RSRC1: variants seen among roughly 807,000 people sequenced by gnomAD.
RSRC1 encodes the protein serine/Arginine-related protein 53.
Under a neutral mutation model 49.1 loss-of-function variants are expected in RSRC1, and 39 were observed. The ratio of observed to expected loss-of-function variants is 0.79; its 90% CI spans 0.61 to 1.04. The LOEUF is 1.04. RSRC1 is among the 50% of genes least tolerant of loss of function. RSRC1 has a pLI of 0.00. For missense variants in RSRC1, 388 were observed against 402.4 expected, an observed-to-expected ratio of 0.96 and a Z score of 0.31; for synonymous variants, 143 against 130.8, an observed-to-expected ratio of 1.09 and a Z score of -0.63.
At chr3:158,437,565 C>T (rs964325914) in intron 6 of RSRC1, among the ~76,000 whole-genome samples, 2 of 152,142 alleles carry the variant, frequency 1.3e-5, no homozygotes, top group African/African-American at 4.8e-5. Context: ...ACAAAAACCA[C>T]ATAATTATCT....
At chr3:158,469,469 T>C in intron 7 of RSRC1, 1 of 373,202 alleles carries the variant, frequency 2.7e-6, no homozygotes, top group South Asian at 2.1e-5. Flanking sequence ...TGCAAAGTCT[T>C]ATACTATACT....
chr3:158,351,576 G>T (rs1242284873), intron 5 of RSRC1, among the ~76,000 whole-genome samples: 1 of 151,966 alleles, frequency 6.6e-6, no homozygotes, highest in Non-Finnish European at 1.5e-5. Flanking sequence ...TCATTTACTG[G>T]GTCAAGTGTA....
At chr3:158,286,849 G>C (rs1021732271) in intron 4 of RSRC1, among the ~76,000 whole-genome samples, 1 of 152,138 alleles carries the variant, frequency 6.6e-6, no homozygotes, top group Non-Finnish European at 1.5e-5. Flanking sequence ...TACACATGTT[G>C]CACTTTTCGC....
chr3:158,231,466 A>G (rs1348924244), intron 4 of RSRC1, among the ~76,000 whole-genome samples: 1 of 152,016 alleles, frequency 6.6e-6, no homozygotes, highest in African/African-American at 2.4e-5. Context: ...TTCTACATAA[A>G]ATGGCTTCAA....
chr3:158,347,135 A>G (rs2108225487), intron 5 of RSRC1, among the ~76,000 whole-genome samples: 1 of 152,336 alleles, frequency 6.6e-6, no homozygotes, highest in South Asian at 2.1e-4. Flanking sequence ...TAAATAGTAA[A>G]TAGTATTTCT....
intron 6 of RSRC1, among the ~76,000 whole-genome samples, chr3:158,442,145 A>C (rs1736410706): frequency 2.0e-5 from 3 of 152,120 alleles, no homozygotes; most frequent in Admixed American, 6.6e-5. Flanking sequence ...CTTGATGTTT[A>C]TGGCTGCCCA....
chr3:158,295,811 T>C (rs1305966216), intron 4 of RSRC1, among the ~76,000 whole-genome samples: 3 of 152,148 alleles, frequency 2.0e-5, no homozygotes, highest in Non-Finnish European at 4.4e-5. Flanking sequence ...AAAGAGCAGT[T>C]TCTTGTCCTC....
intron 6 of RSRC1, among the ~76,000 whole-genome samples, chr3:158,390,581 A>G (rs146566051): frequency 2.2e-4 from 34 of 152,308 alleles, no homozygotes; most frequent in African/African-American, 7.7e-4. Flanking sequence ...ACTAGGGATT[A>G]TACTAACTAC....
rs139241983 is a variant in RSRC1 at position 158,299,212 on chromosome 3, A to G, written c.531+1137A>G. Among the ~76,000 whole-genome samples, 175 of 152,318 alleles carry G rather than the reference A, an allele frequency of 1.1e-3. No homozygotes were observed. The East Asian group carries it at 0.032, about 28-fold the overall frequency. On this transcript the variant is annotated intron_variant, in intron 5 of 9. Coordinates refer to ENST00000611884, the MANE Select transcript of RSRC1 (RefSeq NM_001271838.2). Reference sequence around the variant, plus strand: ...CATAGATTTAGGACATATGGATATCAGAATAAACATGTTAGTTTGTAACAT... The same window carrying G: ...CATAGATTTAGGACATATGGATATCGGAATAAACATGTTAGTTTGTAACAT...
At chr3:158,434,824 G>T (rs1421483875) in intron 6 of RSRC1, among the ~76,000 whole-genome samples, 2 of 151,998 alleles carry the variant, frequency 1.3e-5, no homozygotes, top group East Asian at 3.9e-4. Context: ...CAATTCTGAA[G>T]GCATTGCCTT....
At chr3:158,523,175 A>G (rs976648558) in intron 7 of RSRC1, among the ~76,000 whole-genome samples, 1 of 152,082 alleles carries the variant, frequency 6.6e-6, no homozygotes, top group Non-Finnish European at 1.5e-5. Flanking sequence ...AACTATGAAA[A>G]GTCTCTTATT....
In RSRC1 at chr3:158,430,081, T is replaced by A. The variant is rs867199398; in HGVS notation, c.584-30854T>A. Among the ~76,000 whole-genome samples the A allele has an allele frequency of 2.3e-3, 310 of 136,224 alleles. 2 individuals carry two copies. Among genetic ancestry groups the A allele is most frequent in the Middle Eastern group, 7.0e-3 (2 of 284 alleles). 89.4% of individuals were successfully genotyped at this position (136,224 alleles called of 152,430 possible). A position where few individuals can be genotyped will look rare whatever the true frequency, so the allele number is the denominator to read the frequency against. ...ATAAAAACCACACACACAAAAAAAA[T>A]AAAATAAAATAAAATAAAATAAAAT... is the stretch of plus-strand genomic sequence containing the variant. On this transcript the variant is annotated intron_variant, in intron 6 of 9. Coordinates refer to ENST00000611884, the MANE Select transcript of RSRC1 (RefSeq NM_001271838.2).
chr3:158,239,577 G>A (rs1313512135), intron 4 of RSRC1, among the ~76,000 whole-genome samples: 1 of 151,902 alleles, frequency 6.6e-6, no homozygotes, highest in African/African-American at 2.4e-5. Context: ...CCTGTCATGG[G>A]GTGGGGGGCT....
At chr3:158,410,042 A>G (rs2108320124) in intron 6 of RSRC1, among the ~76,000 whole-genome samples, 1 of 152,302 alleles carries the variant, frequency 6.6e-6, no homozygotes, top group African/African-American at 2.4e-5. Context: ...TTTTACAGTC[A>G]TAGTCTCATA....
At chr3:158,314,940 G>C (rs1227311828) in intron 5 of RSRC1, among the ~76,000 whole-genome samples, 1 of 151,856 alleles carries the variant, frequency 6.6e-6, no homozygotes. Context: ...GCTGAGGCAG[G>C]AGAATTGTTT....
chr3:158,137,655 CT>C (rs11388972), intron 3 of RSRC1, among the ~76,000 whole-genome samples: 53 of 138,466 alleles, frequency 3.8e-4, no homozygotes, highest in South Asian at 9.1e-4. Context: ...TTTTCTTTTT[CT>C]TTTTTTTTTT....
At chr3:158,377,852 G>A (rs1419122549) in intron 6 of RSRC1, among the ~76,000 whole-genome samples, 2 of 151,800 alleles carry the variant, frequency 1.3e-5, no homozygotes, top group African/African-American at 4.9e-5. Flanking sequence ...GTAGAGGCAG[G>A]ATTTCACCAT....
chr3:158,437,645 T>A (rs1037965118), intron 6 of RSRC1, among the ~76,000 whole-genome samples: 2 of 152,170 alleles, frequency 1.3e-5, no homozygotes, highest in Admixed American at 1.3e-4. Flanking sequence ...GTACACTAGG[T>A]ATTGATGGAA....
Position 158,316,045 on chromosome 3 carries a change from A to C in RSRC1, c.531+17970A>C, listed in dbSNP as rs554842963. ...AAATTAGCTGGGCGTGGTGGCATGC[A>C]CCTGTAATCCCAGCTACTGGGGAGG... On this transcript the variant is annotated intron_variant, in intron 5 of 9. Coordinates refer to ENST00000611884, the MANE Select transcript of RSRC1 (RefSeq NM_001271838.2). Among the ~76,000 whole-genome samples, 10 of 151,862 alleles carry C rather than the reference A, an allele frequency of 6.6e-5. No homozygotes were observed. In the South Asian group the frequency reaches 2.1e-3, roughly 32 times the overall value.
Sources: gnomAD v4.1 joint callset for allele counts (sites outside exome capture counted in the v4.1 genomes callset) on GRCh38, gnomAD v4.1.1 for gene constraint, MANE v1.5 for transcripts, NCBI Gene and HGNC (gene_info 2026-07-23, HGNC 2026-07-21) for gene names.